The following ARHGAP19 variants were observed in gnomAD, a reference collection of about 807,000 sequenced individuals.
The protein encoded by ARHGAP19 is rho GTPase-activating protein 19.
ARHGAP19 carries 48 observed loss-of-function variants against 60.9 expected under a neutral mutation model. The observed-to-expected ratio is 0.79, with a 90% CI of 0.62 to 1.00. The LOEUF is 1.00. ARHGAP19 is among the 50% of genes least tolerant of loss of function. ARHGAP19 has a pLI of 0.00. For missense variants in ARHGAP19, 562 were observed against 597.2 expected, an observed-to-expected ratio of 0.94 and a Z score of 0.61; for synonymous variants, 209 against 215.5, an observed-to-expected ratio of 0.97 and a Z score of 0.27.
chr10:97,222,881 G>A lies in ARHGAP19; in HGVS notation c.*3241C>T, dbSNP rs1469839234. The stretch of plus-strand genomic sequence containing the variant: ...TGTAGGAAAGGAGACAGAGTCTAGA[G>A]ACATCTATTCCTAAAAATCACCTGG... On this transcript the variant is annotated 3_prime_UTR_variant, in exon 12 of 12. Transcript: ENST00000358531. 1 of 152,296 alleles carries A rather than the reference G, an allele frequency of 6.6e-6. No homozygotes were observed. Among genetic ancestry groups the A allele is most frequent in the African/African-American group, 2.4e-5 (1 of 41,566 alleles). The allele number at this position is 152,296 out of a possible 1,614,324, so 9.4% of individuals were successfully genotyped here.
At chr10:97,270,810 G>C in intron 1 of ARHGAP19, 1 of 606,524 alleles carries the variant, frequency 1.6e-6, no homozygotes, top group Non-Finnish European at 2.7e-6. Context: ...CTGCAAGAAG[G>C]AAAATAGAGA....
chr10:97,240,902 T>C (rs1026988839), intron 8 of ARHGAP19, among the ~76,000 whole-genome samples: 2 of 152,198 alleles, frequency 1.3e-5, no homozygotes, highest in African/African-American at 2.4e-5. Context: ...TCTGGATGTG[T>C]GTAGGTGATT....
chr10:97,287,084 A>T (rs952995937), intron 1 of ARHGAP19, among the ~76,000 whole-genome samples: 2 of 152,048 alleles, frequency 1.3e-5, no homozygotes, highest in African/African-American at 2.4e-5. Context: ...AGTAGCTGGG[A>T]CCACAGGCGT....
intron 1 of ARHGAP19, among the ~76,000 whole-genome samples, chr10:97,273,884 T>C (rs1842991117): frequency 6.6e-6 from 1 of 152,014 alleles, no homozygotes; most frequent in Non-Finnish European, 1.5e-5. Flanking sequence ...TATTACACAG[T>C]AATGAAAATG....
At chr10:97,257,263 A>C (rs895920952) in intron 5 of ARHGAP19, among the ~76,000 whole-genome samples, 8 of 140,788 alleles carry the variant, frequency 5.7e-5, no homozygotes, top group Non-Finnish European at 1.1e-4. Flanking sequence ...TTGTTACTTT[A>C]TCTGTTTGCT....
chr10:97,266,239 C>T (rs1842898188), intron 1 of ARHGAP19, 114 bp from the exon 2 acceptor site: 1 of 1,283,840 alleles, frequency 7.8e-7, no homozygotes, highest in African/African-American at 1.5e-5. Context: ...TCCTTATAGT[C>T]AGCTTCCTTT....
intron 8 of ARHGAP19, 115 bp downstream of exon 8, chr10:97,243,853 C>G: frequency 9.8e-7 from 1 of 1,021,850 alleles, no homozygotes; most frequent in Non-Finnish European, 1.4e-6. Flanking sequence ...ATAGACAAGC[C>G]TGATTTCTCA....
chr10:97,253,323 A>G (rs1259885073), intron 6 of ARHGAP19, among the ~76,000 whole-genome samples: 1 of 151,366 alleles, frequency 6.6e-6, no homozygotes, highest in African/African-American at 2.4e-5. Context: ...GGCTGCAGTG[A>G]GCTGAGATTG....
At position 97,229,137 on chromosome 10, in the gene ARHGAP19, C is replaced by T. The variant is rs370679610; in HGVS notation, c.1474+10G>A. The T allele has an allele frequency of 1.7e-5, 27 of 1,609,230 alleles. No individual in the cohort carries two copies. The highest frequency in any genetic ancestry group is 1.6e-4 in the Middle Eastern group (1 of 6,076). ...ATTTAGTAAGAACAGAGAGTAAGTA[C>T]AATTAGTACCTTTTTTCCCCTCTTT... On this transcript the variant is annotated intron_variant, in intron 11 of 11. Coordinates refer to ENST00000358531, the MANE Select transcript of ARHGAP19 (RefSeq NM_032900.6).
intron 8 of ARHGAP19, among the ~76,000 whole-genome samples, chr10:97,239,552 GTGT>G (rs1842441124): frequency 6.1e-4 from 6 of 9,902 alleles, no homozygotes; most frequent in African/African-American, 1.8e-3. Context: ...GAGAGAGAGG[GTGT>G]GTGTGTGTGT....
intron 6 of ARHGAP19, 36 bp downstream of exon 6, chr10:97,256,282 T>G: frequency 1.3e-6 from 2 of 1,503,780 alleles, no homozygotes; most frequent in Non-Finnish European, 1.9e-6. Context: ...CCATTTTCTT[T>G]GTCCTGTTAC....
chr10:97,251,442 A>G (rs1220729355), intron 6 of ARHGAP19, among the ~76,000 whole-genome samples: 6 of 1,186 alleles, frequency 5.1e-3, no homozygotes, highest in African/African-American at 0.012. Context: ...GAAGGGGAGG[A>G]GACGGGGAAG....
intron 10 of ARHGAP19, 27 bp downstream of exon 10, chr10:97,229,737 C>T: frequency 6.8e-7 from 1 of 1,480,188 alleles, no homozygotes; most frequent in East Asian, 2.3e-5. Flanking sequence ...TACAGACAGA[C>T]AGACAGTCCA....
At chr10:97,240,409 T>C (rs1842460712) in intron 8 of ARHGAP19, among the ~76,000 whole-genome samples, 1 of 152,208 alleles carries the variant, frequency 6.6e-6, no homozygotes, top group Admixed American at 6.5e-5. Context: ...CCCAACACTT[T>C]GGGAGCCCAA....
intron 1 of ARHGAP19, among the ~76,000 whole-genome samples, chr10:97,286,578 C>T (rs1273752221): frequency 2.6e-5 from 4 of 152,240 alleles, no homozygotes; most frequent in Admixed American, 1.3e-4. Context: ...TGCCACAGAG[C>T]GAGACTCCGT....
intron 4 of ARHGAP19, among the ~76,000 whole-genome samples, chr10:97,261,679 CTT>C (rs1271900276): frequency 1.3e-5 from 2 of 151,814 alleles, no homozygotes; most frequent in Non-Finnish European, 2.9e-5. Context: ...AAATTCAACA[CTT>C]GTTTCTTTAA....
intron 6 of ARHGAP19, among the ~76,000 whole-genome samples, chr10:97,256,096 G>C: frequency 6.6e-6 from 1 of 152,100 alleles, no homozygotes; most frequent in East Asian, 1.9e-4. Flanking sequence ...GGCTCAGAGG[G>C]TGGAGTCAGT....
At chr10:97,234,430 AAAAAAAAG>A (rs1448990270) in intron 9 of ARHGAP19, among the ~76,000 whole-genome samples, 170 of 151,658 alleles carry the variant, frequency 1.1e-3, no homozygotes, top group Middle Eastern at 6.8e-3. Context: ...AAAAAAAAAA[AAAAAAAAG>A]ATACTCAGTG....
intron 2 of ARHGAP19, chr10:97,265,608 G>A (rs192477754): frequency 5.5e-5 from 25 of 454,770 alleles, no homozygotes; most frequent in Middle Eastern, 6.2e-4. Context: ...AAGATGCCCC[G>A]ATGACTACCT....
Sources: gnomAD v4.1 joint callset for allele counts (sites outside exome capture counted in the v4.1 genomes callset) on GRCh38, gnomAD v4.1.1 for gene constraint, MANE v1.5 for transcripts, NCBI Gene and HGNC (gene_info 2026-07-23, HGNC 2026-07-21) for gene names.